EYS: variants seen among roughly 807,000 people sequenced by gnomAD.
EYS encodes EGF-like photoreceptor maintenance factor.
EYS carries 250 observed loss-of-function variants against 282.1 expected under a neutral mutation model. The ratio of observed to expected loss-of-function variants is 0.89; its 90% CI spans 0.80 to 0.98. The LOEUF is 0.98. Ranked by LOEUF, EYS falls within the 50% of genes least tolerant of loss-of-function variation. The pLI is 0.00. For synonymous variants in EYS, 1,355 were observed against 1,282.9 expected, an observed-to-expected ratio of 1.06 and a Z score of -1.20; for missense variants, 4,016 against 3,709.0, an observed-to-expected ratio of 1.08 and a Z score of -2.15.
chr6:65,401,571 C>A (rs998347645), intron 7 of EYS, among the ~76,000 whole-genome samples: 2 of 151,664 alleles, frequency 1.3e-5, no homozygotes, highest in Admixed American at 6.6e-5. Context: ...GAATGGATTA[C>A]AGTTTTCAAT....
intron 29 of EYS, among the ~76,000 whole-genome samples, chr6:64,329,405 A>T (rs2150389421): frequency 6.6e-6 from 1 of 152,294 alleles, no homozygotes. Context: ...ACCTAGGTCA[A>T]AGAAAAGCCA....
chr6:64,818,319 TA>T (rs1254566984), intron 21 of EYS, among the ~76,000 whole-genome samples: 3 of 152,158 alleles, frequency 2.0e-5, no homozygotes, highest in African/African-American at 7.2e-5. Flanking sequence ...TCTCCAGCAT[TA>T]ATTCTAATTT....
chr6:64,456,658 T>G (rs1775566951), intron 26 of EYS, among the ~76,000 whole-genome samples: 1 of 152,020 alleles, frequency 6.6e-6, no homozygotes, highest in Admixed American at 6.6e-5. Context: ...AAAATTTCAT[T>G]TATAAAGTGG....
At chr6:65,571,013 T>C (rs1016581696) in intron 2 of EYS, among the ~76,000 whole-genome samples, 9 of 152,086 alleles carry the variant, frequency 5.9e-5, no homozygotes, top group Non-Finnish European at 8.8e-5. Flanking sequence ...TTCTGTAAGG[T>C]TGCCATAAAT....
intron 26 of EYS, among the ~76,000 whole-genome samples, chr6:64,552,398 C>G (rs1765109506): frequency 6.6e-6 from 1 of 152,088 alleles, no homozygotes; most frequent in Non-Finnish European, 1.5e-5. Flanking sequence ...TTTCCCTTTC[C>G]AGGTGTTTTT....
At chr6:64,498,092 G>T (rs574575513) in intron 26 of EYS, among the ~76,000 whole-genome samples, 1 of 152,076 alleles carries the variant, frequency 6.6e-6, no homozygotes, top group Non-Finnish European at 1.5e-5. Flanking sequence ...TTGATTTGTG[G>T]AAGTTTTCTA....
chr6:64,732,622 G>C (rs1386423563), intron 22 of EYS, among the ~76,000 whole-genome samples: 3 of 152,290 alleles, frequency 2.0e-5, no homozygotes, highest in Non-Finnish European at 2.9e-5. Context: ...TAGTAAAATT[G>C]TAGGCATAAG....
intron 5 of EYS, among the ~76,000 whole-genome samples, chr6:65,476,768 G>T (rs113007058): frequency 0.021 from 3,252 of 152,090 alleles, 41 homozygotes; most frequent in Middle Eastern, 0.054. Context: ...GTAGAGACGG[G>T]GTTTCACCAT....
intron 26 of EYS, among the ~76,000 whole-genome samples, chr6:64,472,586 A>G (rs1776151597): frequency 6.6e-6 from 1 of 152,192 alleles, no homozygotes; most frequent in Admixed American, 6.5e-5. Context: ...TCATCAATTT[A>G]ATGAGGAATT....
intron 11 of EYS, chr6:65,329,603 TA>T: frequency 1.0e-6 from 1 of 981,210 alleles, no homozygotes; most frequent in South Asian, 4.7e-5. Flanking sequence ...TATACCCACA[TA>T]AAACTTTTAC....
intron 31 of EYS, among the ~76,000 whole-genome samples, chr6:64,112,294 A>AT (rs983947825): frequency 6.6e-6 from 1 of 151,918 alleles, no homozygotes; most frequent in Non-Finnish European, 1.5e-5. Flanking sequence ...GACTCCATGC[A>AT]TTTTTTTCAC....
At chr6:65,239,504 AC>A (rs920532891) in intron 12 of EYS, among the ~76,000 whole-genome samples, 90 of 152,110 alleles carry the variant, frequency 5.9e-4, no homozygotes, top group African/African-American at 2.0e-3. Context: ...GCTAATGCCC[AC>A]TCTAGGATTT....
chr6:65,448,806 T>A (rs543898349), intron 5 of EYS, among the ~76,000 whole-genome samples: 1 of 152,214 alleles, frequency 6.6e-6, no homozygotes, highest in African/African-American at 2.4e-5. Context: ...AAAAAGCAAC[T>A]TAAGACTTGA....
chr6:65,373,113 G>C (rs547437181), intron 8 of EYS, among the ~76,000 whole-genome samples: 104 of 151,982 alleles, frequency 6.8e-4, no homozygotes, highest in African/African-American at 2.5e-3. Flanking sequence ...TGGCCCAACT[G>C]GCCATCAAAA....
chr6:64,153,602 C>T (rs1395786043), intron 31 of EYS, among the ~76,000 whole-genome samples: 1 of 152,150 alleles, frequency 6.6e-6, no homozygotes, highest in African/African-American at 2.4e-5. Flanking sequence ...ATTAAAACAA[C>T]TATGAAGTAC....
At position 64,871,669 on chromosome 6, in the gene EYS, C is replaced by A. The variant is rs1766601822; in HGVS notation, c.2992+15028G>T. 2.0e-5 allele frequency among the ~76,000 whole-genome samples: 3 copies of A among 152,082 alleles called. No individual in the cohort carries two copies. In the South Asian group the frequency reaches 6.2e-4, roughly 32 times the overall value. On this transcript the variant is annotated intron_variant, in intron 19 of 42. Transcript: ENST00000503581. ...CTAAAGGTCAACACCATACTAAACA[C>A]AATGCTAAAAACACAATTACTAAAA...
intron 33 of EYS, among the ~76,000 whole-genome samples, chr6:64,008,194 T>C (rs898885844): frequency 6.6e-6 from 1 of 152,160 alleles, no homozygotes; most frequent in Non-Finnish European, 1.5e-5. Flanking sequence ...TGATTAGGTC[T>C]TTTTTTCGAA....
At chr6:64,309,367 A>G (rs1473824811) in intron 29 of EYS, among the ~76,000 whole-genome samples, 1 of 152,214 alleles carries the variant, frequency 6.6e-6, no homozygotes, top group African/African-American at 2.4e-5. Context: ...TTAAAAATGC[A>G]TATTAATTTA....
In EYS at chr6:65,480,629, A is replaced by G. The variant is rs565376122; in HGVS notation, c.862+9965T>C. Among the ~76,000 whole-genome samples the G allele has an allele frequency of 1.1e-3, 173 of 152,298 alleles. 1 individual carries two copies. The highest frequency in any genetic ancestry group is 3.6e-3 in the African/African-American group (149 of 41,570). On this transcript the variant is annotated intron_variant, in intron 5 of 42. Coordinates refer to ENST00000503581, the MANE Select transcript of EYS (RefSeq NM_001142800.2). ...GTTAAAAATAACCAAAGGACATTAA[A>G]TTAGTATACCAAAGGGATAGCTGAA...
Sources: gnomAD v4.1 joint callset for allele counts (sites outside exome capture counted in the v4.1 genomes callset) on GRCh38, gnomAD v4.1.1 for gene constraint, MANE v1.5 for transcripts, NCBI Gene and HGNC (gene_info 2026-07-23, HGNC 2026-07-21) for gene names.